ELP4: variants seen among roughly 807,000 people sequenced by gnomAD.
ELP4 encodes elongator complex protein 4.
A neutral mutation model predicts 48.9 loss-of-function variants in ELP4; 51 were observed. That is an observed-to-expected ratio of 1.04 (90% CI 0.83 to 1.32). The LOEUF (loss-of-function observed/expected upper bound fraction) is 1.32. Ranked by LOEUF, ELP4 falls within the 40% of genes most tolerant of loss-of-function variation. ELP4 has a pLI of 0.00. For missense variants in ELP4, 519 were observed against 514.6 expected (o/e 1.01, Z -0.08); for synonymous variants, 210 against 189.2 (o/e 1.11, Z -0.90).
At chr11:31,576,142 T>G (rs1406107973) in intron 3 of ELP4, among the ~76,000 whole-genome samples, 2 of 152,184 alleles carry the variant, frequency 1.3e-5, no homozygotes, top group African/African-American at 4.8e-5. Context: ...ATTGCAATCC[T>G]AGTCTCTGAT....
In ELP4 at chr11:31,571,687, T is replaced by C. The variant is rs904638878; in HGVS notation, c.382-23083T>C. Reference sequence around the variant, plus strand: ...GAAAATTGAAATTACTCCTGATCCATGGGCTACAGAATGGATGTTGTGTTA... The same window carrying C: ...GAAAATTGAAATTACTCCTGATCCACGGGCTACAGAATGGATGTTGTGTTA... On this transcript the variant is annotated intron_variant, in intron 3 of 9. Coordinates refer to ENST00000640961, the MANE Select transcript of ELP4 (RefSeq NM_019040.5). Among the ~76,000 whole-genome samples the C allele has an allele frequency of 9.8e-4, 150 of 152,316 alleles. 1 individual carries two copies. The highest frequency in any genetic ancestry group is 3.4e-3 in the African/African-American group (142 of 41,560).
intron 9 of ELP4, chr11:31,689,543 G>A (rs946517620): frequency 5.3e-5 from 8 of 152,052 alleles, no homozygotes; most frequent in Non-Finnish European, 1.0e-4. Context: ...TGCTGTCTGG[G>A]TTGATGCATT....
chr11:31,723,758 G>A (rs1388876576), intron 9 of ELP4, among the ~76,000 whole-genome samples: 2 of 152,132 alleles, frequency 1.3e-5, no homozygotes, highest in East Asian at 1.9e-4. Context: ...ATTCTTATAG[G>A]AGAACTGAAA....
At chr11:31,560,922 T>C (rs1957015064) in intron 3 of ELP4, among the ~76,000 whole-genome samples, 1 of 152,020 alleles carries the variant, frequency 6.6e-6, no homozygotes, top group African/African-American at 2.4e-5. Flanking sequence ...TAATAGGCTG[T>C]ACAGGTTGGT....
At chr11:31,574,541 G>T (rs1363701764) in intron 3 of ELP4, among the ~76,000 whole-genome samples, 1 of 152,218 alleles carries the variant, frequency 6.6e-6, no homozygotes, top group East Asian at 1.9e-4. Context: ...CCCAGTAGGG[G>T]CTGACTGACA....
At chr11:31,778,955 C>A (rs1948307833) in intron 9 of ELP4, among the ~76,000 whole-genome samples, 1 of 152,106 alleles carries the variant, frequency 6.6e-6, no homozygotes, top group Non-Finnish European at 1.5e-5. Flanking sequence ...CTCCCAGGCT[C>A]CCACTTCGGC....
At chr11:31,682,725 A>G (rs1021193862) in intron 9 of ELP4, among the ~76,000 whole-genome samples, 1 of 152,214 alleles carries the variant, frequency 6.6e-6, no homozygotes. Flanking sequence ...ATAAACAACT[A>G]TAATAGAAAT....
chr11:31,568,455 A>G (rs1387768319), intron 3 of ELP4, among the ~76,000 whole-genome samples: 2 of 152,162 alleles, frequency 1.3e-5, no homozygotes. Context: ...TGTATATGGA[A>G]CTACAAAGAG....
chr11:31,534,798 G>T (rs1956471979), intron 2 of ELP4, among the ~76,000 whole-genome samples: 1 of 152,146 alleles, frequency 6.6e-6, no homozygotes, highest in Admixed American at 6.5e-5. Context: ...AATGACCATG[G>T]TTTAAATGTT....
At chr11:31,710,388 G>A (rs1256421878) in intron 9 of ELP4, among the ~76,000 whole-genome samples, 1 of 152,186 alleles carries the variant, frequency 6.6e-6, no homozygotes, top group African/African-American at 2.4e-5. Flanking sequence ...ACTTTGGGAG[G>A]CCAAGGCAGG....
At chr11:31,525,344 A>G (rs1956280056) in intron 2 of ELP4, among the ~76,000 whole-genome samples, 1 of 152,202 alleles carries the variant, frequency 6.6e-6, no homozygotes, top group Non-Finnish European at 1.5e-5. Flanking sequence ...TTAGTCCTGA[A>G]GCATTTAAGC....
chr11:31,546,595 A>G (rs1376872299), intron 3 of ELP4, among the ~76,000 whole-genome samples: 18 of 152,232 alleles, frequency 1.2e-4, no homozygotes, highest in South Asian at 2.1e-4. Context: ...AAGTCAACAA[A>G]GATACCCAGG....
chr11:31,573,316 A>G (rs1957216794), intron 3 of ELP4, among the ~76,000 whole-genome samples: 1 of 151,978 alleles, frequency 6.6e-6, no homozygotes, highest in Admixed American at 6.6e-5. Flanking sequence ...CCATTACCCA[A>G]TTCCAAAGAC....
intron 9 of ELP4, among the ~76,000 whole-genome samples, chr11:31,657,382 A>T (rs1020249600): frequency 1.1e-4 from 17 of 152,132 alleles, no homozygotes; most frequent in Non-Finnish European, 2.2e-4. Flanking sequence ...TTCTCAGTGT[A>T]ATGTATTTTA....
intron 3 of ELP4, among the ~76,000 whole-genome samples, chr11:31,544,758 G>A (rs966599685): frequency 6.6e-6 from 1 of 152,196 alleles, no homozygotes; most frequent in Non-Finnish European, 1.5e-5. Context: ...CCCCCCAGTA[G>A]GGGCAGACTG....
At position 31,785,666 on chromosome 11, in the gene ELP4, A is replaced by G. The variant is rs1948559892; in HGVS notation, c.*2142A>G. 1 of 194,936 alleles carries G rather than the reference A, an allele frequency of 5.1e-6. No homozygotes were observed. Among genetic ancestry groups the G allele is most frequent in the Non-Finnish European group, 1.1e-5 (1 of 93,826 alleles). The allele number at this position is 194,936 out of a possible 1,614,324, so 12.1% of individuals were successfully genotyped here. A position where few individuals can be genotyped will look rare whatever the true frequency, so the allele number is the denominator to read the frequency against. On this transcript the variant is annotated 3_prime_UTR_variant, in exon 10 of 10. Transcript: ENST00000640961. ...GCTTTGTAAAAATAAGCTACTGGAG[A>G]GGGGTGTGTATTTTTGTCTTCCTCT...
intron 9 of ELP4, among the ~76,000 whole-genome samples, chr11:31,708,033 G>A (rs1201881521): frequency 2.0e-5 from 3 of 152,152 alleles, no homozygotes; most frequent in South Asian, 2.1e-4. Context: ...ATAAGCAGGA[G>A]CATTATTACA....
chr11:31,559,902 G>A (rs1470102136), intron 3 of ELP4, among the ~76,000 whole-genome samples: 6 of 91,332 alleles, frequency 6.6e-5, no homozygotes, highest in Admixed American at 1.2e-4. Flanking sequence ...GCAAAACTCC[G>A]TCTAAAAAAA....
intron 9 of ELP4, among the ~76,000 whole-genome samples, chr11:31,707,984 T>G (rs1946668704): frequency 6.6e-6 from 1 of 152,174 alleles, no homozygotes; most frequent in Non-Finnish European, 1.5e-5. Flanking sequence ...AAAGTAACAT[T>G]CACGGATTCC....
Sources: allele counts gnomAD v4.1 joint callset (sites outside exome capture counted in the v4.1 genomes callset), GRCh38; gene constraint gnomAD v4.1.1; transcripts MANE v1.5; gene names NCBI Gene and HGNC (gene_info 2026-07-23, HGNC 2026-07-21).